The following TNRC6B variants were observed in gnomAD, a reference collection of about 807,000 sequenced individuals.
The protein encoded by TNRC6B is trinucleotide repeat containing adaptor 6B.
Under a neutral mutation model 203.6 loss-of-function variants are expected in TNRC6B, and 52 were observed. The ratio of observed to expected loss-of-function variants is 0.26; its 90% CI spans 0.20 to 0.32. The LOEUF is 0.32. Among genes scored for constraint, TNRC6B ranks in the 10% least tolerant of loss-of-function variants. The pLI is 1.00. For synonymous variants in TNRC6B, 838 were observed against 845.7 expected (o/e 0.99, Z 0.16); for missense variants, 1,923 against 2,286.2 (o/e 0.84, Z 3.24).
intron 1 of TNRC6B, among the ~76,000 whole-genome samples, chr22:40,221,753 C>G (rs1337972374): frequency 8.2e-6 from 1 of 121,848 alleles, no homozygotes; most frequent in African/African-American, 2.7e-5. Context: ...TTCTTATTGC[C>G]CCCCCCCCTT....
At chr22:40,196,978 A>T (rs570085506) in intron 1 of TNRC6B, among the ~76,000 whole-genome samples, 26 of 152,256 alleles carry the variant, frequency 1.7e-4, no homozygotes, top group African/African-American at 5.3e-4. Flanking sequence ...CTCAGTGACC[A>T]GGCTGCAGCC....
chr22:40,315,369 C>T lies in TNRC6B; in HGVS notation c.4765C>T (p.His1589Tyr), dbSNP rs748697421. 6.2e-7 allele frequency: 1 copy of T among 1,613,956 alleles called. No individual in the cohort carries two copies. The highest frequency in any genetic ancestry group is 1.1e-5 in the South Asian group (1 of 91,080). ...THLSNKMWKN[H>Y]ISSRNTTPLP... ...TCTCTCCAACAAGATGTGGAAAAAC[C>T]ATATTTCCTCCAGGAACACTACACC... Residue 1589 changes from histidine to tyrosine, a missense_variant, in exon 20 of 23, where the codon CAT (histidine) becomes TAT (tyrosine). His to Tyr is a moderately conservative substitution (Grantham distance 83). This residue lies in a region of TNRC6B where 159 missense variants were observed against 181.0 expected (regional missense o/e 0.88). Coordinates refer to ENST00000454349, the MANE Select transcript of TNRC6B (RefSeq NM_001162501.2).
chr22:40,089,300 T>C (rs1404128196), intron 1 of TNRC6B, among the ~76,000 whole-genome samples: 1 of 152,148 alleles, frequency 6.6e-6, no homozygotes, highest in Non-Finnish European at 1.5e-5. Context: ...TGGTGTGATC[T>C]TGGCTCACTG....
chr22:40,107,084 A>AG, intron 1 of TNRC6B: 1 of 712,132 alleles, frequency 1.4e-6, no homozygotes, highest in Non-Finnish European at 2.4e-6. Context: ...CCGGAAAAAG[A>AG]GGGAGGGTAT....
At chr22:40,165,556 A>G (rs973954850) in intron 4 of TNRC6B, among the ~76,000 whole-genome samples, 10 of 152,138 alleles carry the variant, frequency 6.6e-5, no homozygotes, top group Admixed American at 3.3e-4. Context: ...CATCCTACCT[A>G]TAGGCCAGTG....
Position 40,270,293 on chromosome 22 carries a change from C to A in TNRC6B, c.2965+13C>A. Reference sequence around the variant, plus strand: ...GCCATGAAGCCTAGTAAGTGTGAAGCTTTTCATTTTTGAGGGATCCTTTTT... The same window carrying A: ...GCCATGAAGCCTAGTAAGTGTGAAGATTTTCATTTTTGAGGGATCCTTTTT... On this transcript the variant is annotated intron_variant, in intron 6 of 22. Coordinates refer to ENST00000454349, the MANE Select transcript of TNRC6B (RefSeq NM_001162501.2). 1 of 1,325,992 alleles carries A rather than the reference C, an allele frequency of 7.5e-7. No individual in the cohort carries two copies. 82.1% of individuals were successfully genotyped at this position (1,325,992 alleles called of 1,614,324 possible).
intron 3 of TNRC6B, among the ~76,000 whole-genome samples, chr22:40,132,966 A>AAT (rs2068564021): frequency 8.5e-6 from 1 of 117,720 alleles, no homozygotes; most frequent in African/African-American, 3.2e-5. Context: ...AAAAAAAAAA[A>AAT]AAAATATATA....
intron 17 of TNRC6B, among the ~76,000 whole-genome samples, chr22:40,311,603 G>A (rs2146564286): frequency 6.6e-6 from 1 of 151,246 alleles, no homozygotes; most frequent in East Asian, 1.9e-4. Context: ...GTGCAGTGGT[G>A]CGATCTTGGT....
chr22:40,076,827 A>G (rs548493171), intron 1 of TNRC6B, among the ~76,000 whole-genome samples: 4 of 152,308 alleles, frequency 2.6e-5, no homozygotes, highest in Admixed American at 2.0e-4. Flanking sequence ...GACAATGTGT[A>G]TCTTTAAAGC....
chr22:40,098,528 T>C (rs563087145), intron 1 of TNRC6B, among the ~76,000 whole-genome samples: 27 of 152,260 alleles, frequency 1.8e-4, no homozygotes, highest in African/African-American at 5.3e-4. Flanking sequence ...TCTACACACC[T>C]TTGCATTATC....
chr22:40,143,559 G>A (rs1031889758), intron 3 of TNRC6B, among the ~76,000 whole-genome samples: 7 of 152,036 alleles, frequency 4.6e-5, no homozygotes, highest in African/African-American at 7.3e-5. Context: ...GCCCAATCTC[G>A]GCTCACTGCG....
intron 1 of TNRC6B, among the ~76,000 whole-genome samples, chr22:40,077,322 C>T (rs564595762): frequency 2.6e-5 from 4 of 152,272 alleles, no homozygotes; most frequent in East Asian, 3.9e-4. Flanking sequence ...GTTCCTTTCT[C>T]TCAGAAATCA....
intron 2 of TNRC6B, among the ~76,000 whole-genome samples, chr22:40,250,221 A>G (rs751309366): frequency 6.6e-6 from 1 of 152,268 alleles, no homozygotes; most frequent in Admixed American, 6.5e-5. Context: ...TGTAACCACT[A>G]TTGGAACAAT....
rs372669874 is a variant in TNRC6B at position 40,104,077 on chromosome 22, C to T, written c.-120-12978C>T. 3.6e-4 allele frequency among the ~76,000 whole-genome samples: 55 copies of T among 151,864 alleles called. 1 individual carries two copies. The East Asian group carries it at 5.1e-3, about 14-fold the overall frequency. ...ACCAGCCTGGCCAACATGGTGAAACCCTGTCTCTACTAAAAATAGAAAAAT... is the reference window on the plus strand; with the variant it reads ...ACCAGCCTGGCCAACATGGTGAAACTCTGTCTCTACTAAAAATAGAAAAAT... On this transcript the variant is annotated intron_variant, in intron 1 of 23. Coordinates refer to the TNRC6B transcript ENST00000301923.
intron 1 of TNRC6B, among the ~76,000 whole-genome samples, chr22:40,104,659 A>G (rs1050013511): frequency 1.3e-5 from 2 of 152,204 alleles, no homozygotes; most frequent in Non-Finnish European, 2.9e-5. Context: ...GGCCATGGGA[A>G]CCCAGAAGCA....
At chr22:40,316,078 G>T in intron 21 of TNRC6B, 66 bp downstream of exon 21, 1 of 1,478,474 alleles carries the variant, frequency 6.8e-7, no homozygotes, top group Non-Finnish European at 9.4e-7. Context: ...GGAAAGGTTG[G>T]GCATGGTGGC....
intron 1 of TNRC6B, among the ~76,000 whole-genome samples, chr22:40,073,938 G>A (rs1325829086): frequency 3.3e-5 from 5 of 151,862 alleles, no homozygotes; most frequent in Non-Finnish European, 7.4e-5. Flanking sequence ...GCATGGTGGC[G>A]TGTGCCTGTA....
chr22:40,310,976 A>T lies in TNRC6B; in HGVS notation c.4418A>T (p.Asn1473Ile), dbSNP rs368534908. 1.9e-6 allele frequency: 3 copies of T among 1,607,940 alleles called. No homozygotes were observed. The highest frequency in any genetic ancestry group is 2.5e-6 in the Non-Finnish European group (3 of 1,177,936). The change falls in exon 17 of 23, where the codon AAT becomes ATT. Residue 1473 changes from asparagine to isoleucine, a missense_variant. Physicochemically the swap from Asn to Ile is moderately radical, Grantham distance 149 (BLOSUM62 -3). Transcript: ENST00000454349. ...PTNKIGSKSSNASWPPEFQPG... is the reference protein window; with the variant it reads ...PTNKIGSKSSIASWPPEFQPG... ...AATAAAATCGGAAGTAAATCCAGCA[A>T]TGCCAGTTGGCCTCCAGGTATTGTC...
At chr22:40,126,920 A>G (rs1291401005) in intron 3 of TNRC6B, among the ~76,000 whole-genome samples, 4 of 151,382 alleles carry the variant, frequency 2.6e-5, no homozygotes, top group African/African-American at 9.7e-5. Context: ...GCTACATATT[A>G]TAAATTTTTA....
Sources: allele counts gnomAD v4.1 joint callset (sites outside exome capture counted in the v4.1 genomes callset), GRCh38; gene constraint gnomAD v4.1.1; regional missense constraint gnomAD v4.1.1; transcripts MANE v1.5; gene names NCBI Gene and HGNC (gene_info 2026-07-23, HGNC 2026-07-21).